NEK6: variants seen among roughly 807,000 people sequenced by gnomAD.
NEK6 encodes NIMA related kinase 6, also known as serine/threonine-protein kinase Nek6.
A neutral mutation model predicts 43.5 loss-of-function variants in NEK6; 27 were observed. The observed-to-expected ratio is 0.62, with a 90% CI of 0.46 to 0.86. NEK6 has a LOEUF of 0.86. Ranked by LOEUF, NEK6 falls within the 40% of genes least tolerant of loss-of-function variation. The pLI, the probability that NEK6 is intolerant of heterozygous loss-of-function variation, is 0.00. For synonymous variants in NEK6, 167 were observed against 164.1 expected, an observed-to-expected ratio of 1.02 and a Z score of -0.14; for missense variants, 318 against 414.4, an observed-to-expected ratio of 0.77 and a Z score of 2.02.
chr9:124,341,918 T>C (rs1474904442), intron 8 of NEK6, among the ~76,000 whole-genome samples: 1 of 152,204 alleles, frequency 6.6e-6, no homozygotes, highest in Non-Finnish European at 1.5e-5. Context: ...TGCCTGTTAT[T>C]TTGCGGAGAA....
intron 5 of NEK6, among the ~76,000 whole-genome samples, chr9:124,323,631 G>A (rs964659249): frequency 1.3e-5 from 2 of 152,116 alleles, no homozygotes; most frequent in Non-Finnish European, 2.9e-5. Context: ...CACGGAGTGG[G>A]GCTGCCGTCA....
Position 124,292,479 on chromosome 9 carries a change from G to C in NEK6, c.-29-9457G>C, listed in dbSNP as rs904572671. 3.3e-6 allele frequency: 5 copies of C among 1,536,964 alleles called. No homozygotes were observed. In the African/African-American group the frequency reaches 6.8e-5, roughly 21 times the overall value. ...GAAAATTAGGGGAGGCCACGGGCTT[G>C]AAAGCTTTCCCTGCATGGAGGCCAC... is the stretch of plus-strand genomic sequence containing the variant. On this transcript the variant is annotated intron_variant, in intron 1 of 9. Coordinates refer to ENST00000320246, the MANE Select transcript of NEK6 (RefSeq NM_014397.6).
chr9:124,325,006 C>T (rs749850874), intron 5 of NEK6, among the ~76,000 whole-genome samples: 45 of 152,180 alleles, frequency 3.0e-4, no homozygotes, highest in Non-Finnish European at 6.2e-4. Flanking sequence ...GAAACCCCAT[C>T]TCTACTAAAA....
chr9:124,266,388 G>A (rs1026272503), intron 1 of NEK6, among the ~76,000 whole-genome samples: 1 of 152,178 alleles, frequency 6.6e-6, no homozygotes, highest in Non-Finnish European at 1.5e-5. Flanking sequence ...GCATCAGCCT[G>A]AGTGCTGTGA....
intron 1 of NEK6, among the ~76,000 whole-genome samples, chr9:124,287,567 G>T (rs375342364): frequency 2.6e-5 from 4 of 152,356 alleles, no homozygotes; most frequent in African/African-American, 7.2e-5. Context: ...GCTCATGCCT[G>T]TAATCCCAAC....
At chr9:124,290,318 A>G (rs985114561) in intron 1 of NEK6, among the ~76,000 whole-genome samples, 1 of 152,216 alleles carries the variant, frequency 6.6e-6, no homozygotes, top group East Asian at 1.9e-4. Context: ...TGCCACACGC[A>G]CCAGGTCCTG....
At position 124,326,261 on chromosome 9, in the gene NEK6, G is replaced by A. The variant is rs901184279; in HGVS notation, c.406-69G>A. Reference sequence around the variant, plus strand: ...CCACTGGGGAAAGGACAGAGGCAGTGCCCTGTGGCCACCCACCTCCAAGCC... The same window carrying A: ...CCACTGGGGAAAGGACAGAGGCAGTACCCTGTGGCCACCCACCTCCAAGCC... On this transcript the variant is annotated intron_variant, in intron 5 of 9. Coordinates refer to ENST00000320246, the MANE Select transcript of NEK6 (RefSeq NM_014397.6). This position sits in a 1 kb window ranked among gnomAD's most constrained non-coding sequence, Gnocchi z 4.5. The A allele has an allele frequency of 5.3e-5, 48 of 911,380 alleles. No individual in the cohort carries two copies. Among genetic ancestry groups the A allele is most frequent in the Non-Finnish European group, 7.7e-5 (45 of 583,402 alleles). The allele number at this position is 911,380 out of a possible 1,614,324, so 56.5% of individuals were successfully genotyped here.
chr9:124,322,357 G>A (rs1834110600), intron 5 of NEK6, among the ~76,000 whole-genome samples: 1 of 152,164 alleles, frequency 6.6e-6, no homozygotes, highest in African/African-American at 2.4e-5. Flanking sequence ...ACCACCCAGG[G>A]CACAGGGCGG....
intron 1 of NEK6, chr9:124,293,006 G>T: frequency 1.3e-6 from 2 of 1,561,280 alleles, no homozygotes; most frequent in South Asian, 1.2e-5. Flanking sequence ...GCCTGCCAAG[G>T]CCTCGAGGTG....
chr9:124,257,639 C>T (rs1052064462), upstream of NEK6: 9 of 1,512,138 alleles, frequency 6.0e-6, no homozygotes, highest in South Asian at 1.2e-5. Flanking sequence ...CGAAGACGCA[C>T]AGGAGTCCAA....
Position 124,324,484 on chromosome 9 carries a change from C to T in NEK6, c.406-1846C>T, listed in dbSNP as rs749859596. 2.6e-5 allele frequency among the ~76,000 whole-genome samples: 4 copies of T among 152,210 alleles called. No individual in the cohort carries two copies. The highest frequency in any genetic ancestry group is 5.9e-5 in the Non-Finnish European group (4 of 68,034). On this transcript the variant is annotated intron_variant, in intron 5 of 9. Coordinates refer to ENST00000320246, the MANE Select transcript of NEK6 (RefSeq NM_014397.6). This position sits in a 1 kb window ranked among gnomAD's most constrained non-coding sequence, Gnocchi z 5.3. ...GCCCCAGAACCCACCAGAGACTCTG[C>T]GCCTCCCCGCTAAATGTCAGACAGC...
chr9:124,341,896 G>A (rs575534483), intron 8 of NEK6, among the ~76,000 whole-genome samples: 4 of 152,338 alleles, frequency 2.6e-5, no homozygotes, highest in African/African-American at 7.2e-5. Context: ...GAACAGCCCC[G>A]GGGAGGGTGC....
intron 1 of NEK6, among the ~76,000 whole-genome samples, chr9:124,284,966 G>A (rs1337139025): frequency 3.9e-5 from 6 of 152,246 alleles, no homozygotes; most frequent in Non-Finnish European, 7.3e-5. Flanking sequence ...ACCCAAATAC[G>A]TGGTGCAGTA....
intron 1 of NEK6, among the ~76,000 whole-genome samples, chr9:124,269,195 A>G (rs1831331877): frequency 6.6e-6 from 1 of 152,196 alleles, no homozygotes; most frequent in African/African-American, 2.4e-5. Flanking sequence ...ACTGAAGCCC[A>G]GGGCAAGTCA....
intron 1 of NEK6, among the ~76,000 whole-genome samples, chr9:124,282,065 T>A (rs1393035148): frequency 1.3e-5 from 2 of 152,236 alleles, no homozygotes; most frequent in African/African-American, 4.8e-5. Flanking sequence ...GCGTATTGGT[T>A]TCCTAGGGAT....
intron 7 of NEK6, among the ~76,000 whole-genome samples, chr9:124,328,644 C>T (rs1479598372): frequency 6.6e-6 from 1 of 152,250 alleles, no homozygotes; most frequent in African/African-American, 2.4e-5. Context: ...TGAGAGACAG[C>T]AGCATTGTCT....
intron 1 of NEK6, among the ~76,000 whole-genome samples, chr9:124,271,854 C>T (rs1425270758): frequency 6.6e-6 from 1 of 152,278 alleles, no homozygotes; most frequent in Non-Finnish European, 1.5e-5. Flanking sequence ...GCCACAGCTC[C>T]AGCTTTTCTC....
At chr9:124,333,058 G>A (rs1328563998) in intron 7 of NEK6, among the ~76,000 whole-genome samples, 1 of 152,208 alleles carries the variant, frequency 6.6e-6, no homozygotes, top group Non-Finnish European at 1.5e-5. Flanking sequence ...CAGGACCCCC[G>A]CTGTCTGTGG....
chr9:124,284,789 A>G (rs1185261391), intron 1 of NEK6, among the ~76,000 whole-genome samples: 3 of 152,096 alleles, frequency 2.0e-5, no homozygotes, highest in Non-Finnish European at 4.4e-5. Flanking sequence ...GCTTCCCTTA[A>G]TGACACAGGA....
Sources: allele counts gnomAD v4.1 joint callset (sites outside exome capture counted in the v4.1 genomes callset), GRCh38; gene constraint gnomAD v4.1.1; non-coding constraint Gnocchi (gnomAD v3.1); transcripts MANE v1.5; gene names NCBI Gene and HGNC (gene_info 2026-07-23, HGNC 2026-07-21).